Variants in SENP6 observed in about 807,000 individuals in gnomAD.
SENP6 encodes SUMO specific peptidase 6, also known as sentrin-specific protease 6.
In SENP6, 41 loss-of-function variants were observed where a neutral mutation model predicts 134.5. The ratio of observed to expected loss-of-function variants is 0.30; its 90% CI spans 0.24 to 0.40. SENP6 has a LOEUF of 0.40. Ranked by LOEUF, SENP6 falls within the 10% of genes least tolerant of loss-of-function variation. The pLI is 1.00. For missense variants in SENP6, 1,248 were observed against 1,312.5 expected (o/e 0.95, Z 0.76); for synonymous variants, 395 against 429.8 (o/e 0.92, Z 1.00).
At chr6:75,643,206 A>G (rs1384973994) in intron 6 of SENP6, among the ~76,000 whole-genome samples, 1 of 152,242 alleles carries the variant, frequency 6.6e-6, no homozygotes, top group Non-Finnish European at 1.5e-5. Context: ...ATAAAAAGTA[A>G]TAGAGTAAAA....
At chr6:75,644,666 G>T (rs1192141665) in intron 6 of SENP6, among the ~76,000 whole-genome samples, 1 of 152,032 alleles carries the variant, frequency 6.6e-6, no homozygotes, top group African/African-American at 2.4e-5. Flanking sequence ...TGTATTTTTA[G>T]TAGAGACGGT....
intron 13 of SENP6, 127 bp downstream of exon 13, chr6:75,676,181 C>A: frequency 3.8e-6 from 2 of 519,832 alleles, no homozygotes; most frequent in Non-Finnish European, 6.4e-6. Flanking sequence ...ATTGTCACAG[C>A]CACCTTGTGA....
At chr6:75,624,028 T>A in intron 3 of SENP6, 68 bp downstream of exon 3, 1 of 1,269,000 alleles carries the variant, frequency 7.9e-7, no homozygotes, top group Non-Finnish European at 1.1e-6. Context: ...TCAAAAGATT[T>A]AATATTTTTA....
chr6:75,684,830 G>A (rs1773715922), intron 16 of SENP6, among the ~76,000 whole-genome samples: 2 of 152,200 alleles, frequency 1.3e-5, no homozygotes, highest in South Asian at 2.1e-4. Context: ...TCACATCAAT[G>A]TTCATCAGGG....
chr6:75,667,840 T>A (rs554928882), intron 10 of SENP6, among the ~76,000 whole-genome samples: 34 of 152,340 alleles, frequency 2.2e-4, no homozygotes, highest in African/African-American at 7.9e-4. Flanking sequence ...ATCCATATGA[T>A]GCAGCCATTG....
At chr6:75,604,664 C>G (rs977998687) in intron 1 of SENP6, among the ~76,000 whole-genome samples, 1 of 151,368 alleles carries the variant, frequency 6.6e-6, no homozygotes, top group African/African-American at 2.4e-5. Flanking sequence ...AATTTTAGTT[C>G]CTCATAACCA....
At chr6:75,686,828 A>C (rs1465990158) in intron 16 of SENP6, among the ~76,000 whole-genome samples, 1 of 151,998 alleles carries the variant, frequency 6.6e-6, no homozygotes, top group Non-Finnish European at 1.5e-5. Context: ...TGCCCTTAAC[A>C]CTTTTTCCTT....
In SENP6 at chr6:75,717,438, C is replaced by A. The variant is rs1158630144; in HGVS notation, c.*1844C>A. 2.6e-5 allele frequency: 4 copies of A among 152,026 alleles called. No homozygotes were observed. Among genetic ancestry groups the A allele is most frequent in the Non-Finnish European group, 5.9e-5 (4 of 67,926 alleles). 9.4% of individuals were successfully genotyped at this position (152,026 alleles called of 1,614,324 possible). On this transcript the variant is annotated 3_prime_UTR_variant, in exon 24 of 24. Transcript: ENST00000447266. ...ATCCCTTGTACCAACTCAAGTCAAT[C>A]AGATTTTAACATGAAAAATATAGAT...
At chr6:75,656,104 A>T (rs572274011) in intron 7 of SENP6, among the ~76,000 whole-genome samples, 128 of 151,626 alleles carry the variant, frequency 8.4e-4, no homozygotes, top group African/African-American at 3.1e-3. Context: ...AATCCCAGCT[A>T]CTCAGGAGGC....
At chr6:75,669,453 A>T (rs1036407261) in intron 10 of SENP6, among the ~76,000 whole-genome samples, 6 of 150,100 alleles carry the variant, frequency 4.0e-5, no homozygotes, top group Non-Finnish European at 8.9e-5. Flanking sequence ...TTTAAAATAC[A>T]TTTTTTTTTT....
In SENP6 at chr6:75,716,501, C is replaced by A. The variant is rs1776027934; in HGVS notation, c.*907C>A. 6.6e-6 allele frequency: 1 copy of A among 151,644 alleles called. No individual in the cohort carries two copies. The highest frequency in any genetic ancestry group is 1.9e-4 in the East Asian group (1 of 5,190). 9.4% of individuals were successfully genotyped at this position (151,644 alleles called of 1,614,324 possible). Reference sequence around the variant, plus strand: ...CTATTTTTTCATTGCTCATTTTGTTCTTATTATTTTGATAAAGTATCAGAC... The same window carrying A: ...CTATTTTTTCATTGCTCATTTTGTTATTATTATTTTGATAAAGTATCAGAC... On this transcript the variant is annotated 3_prime_UTR_variant, in exon 24 of 24. Transcript: ENST00000447266.
At position 75,713,777 on chromosome 6, in the gene SENP6, C is replaced by A. The variant is rs2149909041; in HGVS notation, c.3081C>A (p.Phe1027Leu). The A allele has an allele frequency of 6.2e-7, 1 of 1,613,532 alleles. No individual in the cohort carries two copies. The highest frequency in any genetic ancestry group is 2.2e-5 in the East Asian group (1 of 44,824). ...SNPKVPQQNN[F>L]SDCGVYVLQY... ...CAAAAGTACCACAGCAAAACAACTT[C>A]AGTGACTGTGGTGTATATGTATTGC... The change falls in exon 23 of 24, where the codon TTC (phenylalanine) becomes TTA (leucine). Residue 1027 changes from phenylalanine to leucine, a missense_variant. Physicochemically the swap from Phe to Leu is conservative, Grantham distance 22. This residue lies in a region of SENP6 where 386 missense variants were observed against 395.0 expected (regional missense o/e 0.98). Coordinates refer to ENST00000447266, the MANE Select transcript of SENP6 (RefSeq NM_015571.4).
chr6:75,707,713 T>C (rs1159994648), intron 19 of SENP6, among the ~76,000 whole-genome samples: 1 of 152,074 alleles, frequency 6.6e-6, no homozygotes, highest in Non-Finnish European at 1.5e-5. Flanking sequence ...TGAGACAGTC[T>C]CACTTTCATA....
At chr6:75,642,686 A>G (rs1770120842) in intron 6 of SENP6, among the ~76,000 whole-genome samples, 1 of 152,242 alleles carries the variant, frequency 6.6e-6, no homozygotes. Context: ...CTTTCAGAGC[A>G]TTTGAGATAG....
At chr6:75,626,037 G>A (rs1249654555) in intron 3 of SENP6, among the ~76,000 whole-genome samples, 4 of 151,990 alleles carry the variant, frequency 2.6e-5, no homozygotes, top group African/African-American at 9.7e-5. Context: ...AGTTCCACTA[G>A]GAATGTGTAT....
At chr6:75,605,470 TATG>T (rs1766961426) in intron 1 of SENP6, among the ~76,000 whole-genome samples, 1 of 152,164 alleles carries the variant, frequency 6.6e-6, no homozygotes, top group South Asian at 2.1e-4. Flanking sequence ...TGATAAACAG[TATG>T]ATAAATACGG....
At chr6:75,665,779 C>A (rs1361031953) in intron 9 of SENP6, among the ~76,000 whole-genome samples, 15 of 152,092 alleles carry the variant, frequency 9.9e-5, no homozygotes, top group Admixed American at 9.2e-4. Context: ...GTAATCCCAA[C>A]ATTTTGGGAG....
At chr6:75,697,309 A>G in intron 17 of SENP6, 116 bp from the exon 18 acceptor site, 1 of 699,006 alleles carries the variant, frequency 1.4e-6, no homozygotes, top group Non-Finnish European at 2.3e-6. Flanking sequence ...TTGTCAAACC[A>G]TTTTATGCAA....
At chr6:75,682,900 T>C (rs535437848) in intron 16 of SENP6, among the ~76,000 whole-genome samples, 19 of 152,366 alleles carry the variant, frequency 1.2e-4, no homozygotes, top group African/African-American at 4.1e-4. Context: ...GCATGATTTA[T>C]AATCCTTTGG....
Sources: allele counts gnomAD v4.1 joint callset (sites outside exome capture counted in the v4.1 genomes callset), GRCh38; gene constraint gnomAD v4.1.1; regional missense constraint gnomAD v4.1.1; transcripts MANE v1.5; gene names NCBI Gene and HGNC (gene_info 2026-07-23, HGNC 2026-07-21).